The following TPST1 variants were observed in gnomAD, a reference collection of about 807,000 sequenced individuals.
TPST1 encodes protein-tyrosine sulfotransferase 1.
TPST1 carries 20 observed loss-of-function variants against 34.8 expected under a neutral mutation model. That is an observed-to-expected ratio of 0.57 (90% CI 0.40 to 0.84). The LOEUF is 0.84. Ranked by LOEUF, TPST1 falls within the 40% of genes least tolerant of loss-of-function variation. The pLI is 0.00. For missense variants in TPST1, 353 were observed against 455.5 expected, an observed-to-expected ratio of 0.78 and a Z score of 2.05; for synonymous variants, 152 against 159.4, an observed-to-expected ratio of 0.95 and a Z score of 0.35.
intron 2 of TPST1, among the ~76,000 whole-genome samples, chr7:66,252,094 G>A (rs1266367986): frequency 6.6e-6 from 1 of 152,094 alleles, no homozygotes; most frequent in African/African-American, 2.4e-5. Context: ...GTCTCGCTCT[G>A]TCGCCCAGGC....
At chr7:66,225,106 GGGGTTTCGCCATGTTGGCC>G (rs1789625212) in intron 1 of TPST1, among the ~76,000 whole-genome samples, 2 of 150,526 alleles carry the variant, frequency 1.3e-5, no homozygotes, top group African/African-American at 4.9e-5. Context: ...TAGTAGAGAC[GGGGTTTCGCCATGTTGGCC>G]AGGCTGGTCT....
At chr7:66,204,607 GA>G (rs986921475), upstream of TPST1, among the ~76,000 whole-genome samples, 77 of 152,378 alleles carry the variant, frequency 5.1e-4, no homozygotes, top group African/African-American at 1.8e-3. Flanking sequence ...TGCTTTGACA[GA>G]ACCTGGTGTA....
intron 1 of TPST1, among the ~76,000 whole-genome samples, chr7:66,207,674 T>C (rs902579831): frequency 1.3e-5 from 2 of 152,210 alleles, no homozygotes; most frequent in Non-Finnish European, 2.9e-5. Context: ...AGCACCTATA[T>C]ATTTATGGTT....
intron 3 of TPST1, among the ~76,000 whole-genome samples, chr7:66,331,437 A>C (rs905153170): frequency 1.3e-5 from 2 of 152,228 alleles, no homozygotes; most frequent in African/African-American, 4.8e-5. Flanking sequence ...AACCTTGGCT[A>C]TCTGAAACCC....
rs1350334573 is a variant in TPST1, at chr7:66,328,904, A to AT, written c.1045-23600dup. Among the ~76,000 whole-genome samples, 119 of 26,000 alleles carry AT rather than the reference A, an allele frequency of 4.6e-3. 2 individuals carry two copies. Among genetic ancestry groups the AT allele is most frequent in the Non-Finnish European group, 5.5e-3 (90 of 16,336 alleles). 17.1% of individuals were successfully genotyped at this position (26,000 alleles called of 152,430 possible). ...TCTCTCTCTATATATATATATATAT[A>AT]TATTTTTTTTTTTTTTTTTTTTTTT... is the stretch of plus-strand genomic sequence containing the variant. On this transcript the variant is annotated intron_variant, in intron 3 of 5. Coordinates refer to ENST00000304842, the MANE Select transcript of TPST1 (RefSeq NM_003596.4).
chr7:66,267,535 G>A (rs1226777730), intron 2 of TPST1, among the ~76,000 whole-genome samples: 1 of 151,960 alleles, frequency 6.6e-6, no homozygotes, highest in Non-Finnish European at 1.5e-5. Context: ...AACAACCAGA[G>A]ACAAAACCAC....
chr7:66,224,441 CAAAGG>C (rs1200301550), intron 1 of TPST1, among the ~76,000 whole-genome samples: 1 of 152,170 alleles, frequency 6.6e-6, no homozygotes, highest in Admixed American at 6.5e-5. Flanking sequence ...TAGTGATTAA[CAAAGG>C]AAAGACAGCT....
chr7:66,237,988 CAA>C (rs1176195819), intron 1 of TPST1, among the ~76,000 whole-genome samples: 1 of 152,110 alleles, frequency 6.6e-6, no homozygotes, highest in Non-Finnish European at 1.5e-5. Flanking sequence ...CTTAAAATTA[CAA>C]AGTTTTTCTG....
intron 2 of TPST1, among the ~76,000 whole-genome samples, chr7:66,280,510 G>C (rs1043645347): frequency 6.6e-6 from 1 of 152,208 alleles, no homozygotes; most frequent in African/African-American, 2.4e-5. Context: ...AGATCTAGAA[G>C]CTTTTGGGCA....
chr7:66,336,807 C>A (rs186193571), intron 3 of TPST1, among the ~76,000 whole-genome samples: 5 of 152,124 alleles, frequency 3.3e-5, no homozygotes, highest in African/African-American at 7.2e-5. Context: ...ACATAACAAT[C>A]TGGTTAACAA....
intron 2 of TPST1, among the ~76,000 whole-genome samples, chr7:66,261,542 T>G (rs1234735066): frequency 6.6e-6 from 1 of 152,214 alleles, no homozygotes; most frequent in Non-Finnish European, 1.5e-5. Context: ...TTATCTCCTA[T>G]TTCTTTATGT....
intron 2 of TPST1, among the ~76,000 whole-genome samples, chr7:66,264,231 A>T (rs1184933540): frequency 6.6e-6 from 1 of 152,172 alleles, no homozygotes; most frequent in Non-Finnish European, 1.5e-5. Context: ...AGAAATAACA[A>T]TGGGGGCAAA....
chr7:66,202,764 G>T (rs1789046212), upstream of TPST1, among the ~76,000 whole-genome samples: 1 of 152,118 alleles, frequency 6.6e-6, no homozygotes, highest in African/African-American at 2.4e-5. Flanking sequence ...GCAACATAGT[G>T]AGACCCTGTC....
chr7:66,314,597 G>C (rs983858206), intron 3 of TPST1, among the ~76,000 whole-genome samples: 2 of 152,296 alleles, frequency 1.3e-5, no homozygotes, highest in African/African-American at 4.8e-5. Flanking sequence ...GTTGCTTAAC[G>C]ATGGGAATAC....
chr7:66,296,459 C>T (rs944433227), intron 3 of TPST1, among the ~76,000 whole-genome samples: 8 of 151,964 alleles, frequency 5.3e-5, no homozygotes, highest in South Asian at 2.1e-4. Context: ...TGTAATAAGT[C>T]AGATGCTAAT....
intron 2 of TPST1, among the ~76,000 whole-genome samples, chr7:66,268,796 C>T (rs1290550229): frequency 6.6e-6 from 1 of 151,810 alleles, no homozygotes; most frequent in African/African-American, 2.4e-5. Context: ...TCAATTGATT[C>T]TCCTGCCTTA....
intron 3 of TPST1, among the ~76,000 whole-genome samples, chr7:66,310,851 C>T (rs1247200640): frequency 2.0e-5 from 3 of 151,584 alleles, no homozygotes; most frequent in South Asian, 2.1e-4. Flanking sequence ...GACAGGGTCT[C>T]GCTCTGTTGC....
At chr7:66,215,691 A>G (rs1176441534) in intron 1 of TPST1, among the ~76,000 whole-genome samples, 1 of 151,272 alleles carries the variant, frequency 6.6e-6, no homozygotes, top group Admixed American at 6.6e-5. Flanking sequence ...TATATTTTTA[A>G]GAAGAATTAG....
At chr7:66,213,981 A>G (rs1431702828) in intron 1 of TPST1, among the ~76,000 whole-genome samples, 4 of 152,294 alleles carry the variant, frequency 2.6e-5, no homozygotes, top group African/African-American at 7.2e-5. Context: ...AGGAGCATGT[A>G]GCTCCCAGCC....
Sources: allele counts gnomAD v4.1 joint callset (sites outside exome capture counted in the v4.1 genomes callset), GRCh38; gene constraint gnomAD v4.1.1; transcripts MANE v1.5; gene names NCBI Gene and HGNC (gene_info 2026-07-23, HGNC 2026-07-21).